The following KIAA1958 variants were observed in gnomAD, a reference collection of about 807,000 sequenced individuals.
The protein encoded by KIAA1958 is KIAA1958, also known as uncharacterized protein KIAA1958.
In KIAA1958, 14 loss-of-function variants were observed where a neutral mutation model predicts 47.2. The ratio of observed to expected loss-of-function variants is 0.30; its 90% CI spans 0.20 to 0.46. The LOEUF (loss-of-function observed/expected upper bound fraction) is 0.46, where lower values mean the gene tolerates loss of function less well. Ranked by LOEUF, KIAA1958 falls within the 20% of genes least tolerant of loss-of-function variation. The pLI is 1.00. For missense variants in KIAA1958, 803 were observed against 909.2 expected (o/e 0.88, Z 1.50); for synonymous variants, 354 against 353.3 (o/e 1.00, Z -0.02).
intron 1 of KIAA1958, among the ~76,000 whole-genome samples, chr9:112,536,672 A>T (rs1332264129): frequency 6.6e-6 from 1 of 152,122 alleles, no homozygotes; most frequent in East Asian, 1.9e-4. Flanking sequence ...AGTCCCAGCT[A>T]CTTGGGAGGC....
chr9:112,640,623 C>T (rs1186795280), intron 2 of KIAA1958, among the ~76,000 whole-genome samples: 1 of 152,036 alleles, frequency 6.6e-6, no homozygotes, highest in Non-Finnish European at 1.5e-5. Flanking sequence ...GGTTCTATGT[C>T]CTGCGCTGCA....
intron 1 of KIAA1958, among the ~76,000 whole-genome samples, chr9:112,564,865 T>C (rs764262156): frequency 6.6e-5 from 10 of 152,104 alleles, no homozygotes; most frequent in Non-Finnish European, 1.5e-4. Context: ...GGCTCTAGAG[T>C]AAGACTTAAG....
chr9:112,637,034 C>T (rs1836815743), intron 2 of KIAA1958, among the ~76,000 whole-genome samples: 1 of 152,164 alleles, frequency 6.6e-6, no homozygotes, highest in Non-Finnish European at 1.5e-5. Context: ...TAAACGTGCA[C>T]TCTTGCATTA....
chr9:112,496,674 C>T (rs891669504), intron 1 of KIAA1958, among the ~76,000 whole-genome samples: 2 of 152,154 alleles, frequency 1.3e-5, no homozygotes, highest in African/African-American at 4.8e-5. Context: ...ACTCCTGCCT[C>T]TTTGTTTGAT....
chr9:112,634,385 T>G (rs955348827), intron 2 of KIAA1958, among the ~76,000 whole-genome samples: 5 of 152,104 alleles, frequency 3.3e-5, no homozygotes, highest in African/African-American at 1.2e-4. Context: ...CACACCACCA[T>G]GCCCGGCTAA....
chr9:112,492,916 CTTTTTTTTTTTT>C (rs60299333), intron 1 of KIAA1958, among the ~76,000 whole-genome samples: 1 of 114,186 alleles, frequency 8.8e-6, no homozygotes, highest in Non-Finnish European at 1.7e-5. Context: ...GCCCAGCTCA[CTTTTTTTTTTTT>C]TTTTTTTTGT....
At chr9:112,528,396 AT>A (rs2132807796) in intron 1 of KIAA1958, among the ~76,000 whole-genome samples, 2 of 152,266 alleles carry the variant, frequency 1.3e-5, no homozygotes, top group South Asian at 4.1e-4. Flanking sequence ...AGGGTTAAGT[AT>A]TCCTGGCATG....
intron 2 of KIAA1958, among the ~76,000 whole-genome samples, chr9:112,608,655 G>A (rs1484320195): frequency 6.6e-6 from 1 of 152,048 alleles, no homozygotes; most frequent in African/African-American, 2.4e-5. Context: ...ATCGGGCATG[G>A]TGTCACATGC....
chr9:112,613,332 C>A (rs187201985), intron 2 of KIAA1958, among the ~76,000 whole-genome samples: 1 of 151,852 alleles, frequency 6.6e-6, no homozygotes, highest in East Asian at 1.9e-4. Context: ...ATCAAAAATA[C>A]GCAAGTCAGT....
intron 1 of KIAA1958, among the ~76,000 whole-genome samples, chr9:112,526,320 C>T (rs1292389234): frequency 6.6e-6 from 1 of 151,868 alleles, no homozygotes; most frequent in African/African-American, 2.4e-5. Context: ...GTGGCACTGT[C>T]TCGGCACACT....
At chr9:112,655,242 T>C (rs1358439534) in intron 3 of KIAA1958, among the ~76,000 whole-genome samples, 3 of 152,220 alleles carry the variant, frequency 2.0e-5, no homozygotes, top group Non-Finnish European at 2.9e-5. Context: ...AATGTGTGAA[T>C]GTCAATTATA....
intron 1 of KIAA1958, among the ~76,000 whole-genome samples, chr9:112,510,433 A>G (rs950471216): frequency 1.1e-4 from 16 of 152,074 alleles, no homozygotes; most frequent in Admixed American, 2.6e-4. Flanking sequence ...CATCCTCTCA[A>G]TCTTCAGCAT....
chr9:112,579,595 T>C (rs1835703534), intron 2 of KIAA1958, among the ~76,000 whole-genome samples: 1 of 152,172 alleles, frequency 6.6e-6, no homozygotes, highest in Non-Finnish European at 1.5e-5. Context: ...TTTATTGATC[T>C]CTTTATTTTT....
intron 1 of KIAA1958, among the ~76,000 whole-genome samples, chr9:112,523,410 C>G (rs1189339338): frequency 6.6e-6 from 1 of 151,578 alleles, no homozygotes; most frequent in Non-Finnish European, 1.5e-5. Context: ...GAGATCGTGC[C>G]ACTGCACTCC....
At chr9:112,629,321 G>A (rs897770104) in intron 2 of KIAA1958, among the ~76,000 whole-genome samples, 2 of 152,090 alleles carry the variant, frequency 1.3e-5, no homozygotes, top group African/African-American at 4.8e-5. Context: ...TTGATAGATA[G>A]TTATTTTTAT....
intron 1 of KIAA1958, among the ~76,000 whole-genome samples, chr9:112,517,195 TAAATC>T (rs1254949997): frequency 0.013 from 734 of 57,998 alleles, 8 homozygotes; most frequent in African/African-American, 0.048. Flanking sequence ...ACAGAATAAA[TAAATC>T]AGTAGAACAT....
At chr9:112,503,168 G>T (rs537790290) in intron 1 of KIAA1958, among the ~76,000 whole-genome samples, 1 of 152,274 alleles carries the variant, frequency 6.6e-6, no homozygotes, top group Admixed American at 6.5e-5. Flanking sequence ...AATATTTCAG[G>T]GTAAGGTCTT....
chr9:112,622,681 A>G (rs1014749754), intron 2 of KIAA1958, among the ~76,000 whole-genome samples: 1 of 152,242 alleles, frequency 6.6e-6, no homozygotes, highest in African/African-American at 2.4e-5. Flanking sequence ...CTGTTCTACA[A>G]AAGAGTAGTC....
chr9:112,643,890 T>C (rs1056240423), intron 2 of KIAA1958, among the ~76,000 whole-genome samples: 5 of 152,122 alleles, frequency 3.3e-5, no homozygotes, highest in Middle Eastern at 6.8e-3. Flanking sequence ...GCAAAGACCA[T>C]GTGAAGGCCG....
Sources: allele counts gnomAD v4.1 joint callset (sites outside exome capture counted in the v4.1 genomes callset), GRCh38; gene constraint gnomAD v4.1.1; transcripts MANE v1.5; gene names NCBI Gene and HGNC (gene_info 2026-07-23, HGNC 2026-07-21).